Variants in DNM2 observed in about 807,000 individuals in gnomAD.
The protein encoded by DNM2 is dynamin 2.
In DNM2, 15 loss-of-function variants were observed where a neutral mutation model predicts 99.0. That is an observed-to-expected ratio of 0.15 (90% CI 0.10 to 0.23). DNM2 has a LOEUF of 0.23. DNM2 is among the 10% of genes least tolerant of loss of function. DNM2 has a pLI of 1.00. For synonymous variants in DNM2, 525 were observed against 481.2 expected (o/e 1.09, Z -1.19); for missense variants, 742 against 1,189.4 (o/e 0.62, Z 5.53).
rs1052773762 is a variant in DNM2, at chr19:10,818,244, G to A, written c.1672-1736G>A. Among the ~76,000 whole-genome samples, 4 of 151,296 alleles carry A rather than the reference G, an allele frequency of 2.6e-5. No homozygotes were observed. The highest frequency in any genetic ancestry group is 2.1e-4 in the South Asian group (1 of 4,764). On this transcript the variant is annotated intron_variant, in intron 15 of 20. Transcript: ENST00000389253. The surrounding 1 kb of genome is among the most constrained non-coding windows in gnomAD (Gnocchi z 4.3). ...ATGCTCTGCTCCCTCCATGGCCACC[G>A]GGCCCCTCTCCTATGCTCTGCTCCC...
intron 1 of DNM2, among the ~76,000 whole-genome samples, chr19:10,759,109 T>TTTTAGTTTAG (rs371435868): frequency 2.0e-5 from 3 of 152,160 alleles, no homozygotes; most frequent in Admixed American, 1.3e-4. Context: ...GCCCAGCTAA[T>TTTTAGTTTAG]TTTAGTTTAG....
rs534081676 is a variant in DNM2, at chr19:10,816,338, T to C, written c.1672-3642T>C. On this transcript the variant is annotated intron_variant, in intron 15 of 20. Coordinates refer to ENST00000389253, the MANE Select transcript of DNM2 (RefSeq NM_001005361.3). The surrounding 1 kb of genome is among the most constrained non-coding windows in gnomAD (Gnocchi z 4.6). ...GAAACCTCAGGAGCCCTGAGGCTTC[T>C]GCGGGACTCTGGGGCGCTGTTTCTA... 2.6e-4 allele frequency among the ~76,000 whole-genome samples: 39 copies of C among 152,224 alleles called. No homozygotes were observed. The highest frequency in any genetic ancestry group is 8.9e-4 in the African/African-American group (37 of 41,550).
chr19:10,741,489 A>G (rs2069745331), intron 1 of DNM2, among the ~76,000 whole-genome samples: 1 of 151,856 alleles, frequency 6.6e-6, no homozygotes. Context: ...TTGGCCTCCC[A>G]AAGTGCTGAG....
rs1045397547 is a variant in DNM2 at position 10,817,995 on chromosome 19, A to C, written c.1672-1985A>C. On this transcript the variant is annotated intron_variant, in intron 15 of 20. Transcript: ENST00000389253. This position sits in a 1 kb window ranked among gnomAD's most constrained non-coding sequence, Gnocchi z 4.6. ...GTGATATGATAGGGTCAGGGCAGCA[A>C]AGGCCCTTGGGCAAACGTCCGAGCC... is the stretch of plus-strand genomic sequence containing the variant. Among the ~76,000 whole-genome samples, 8 of 152,012 alleles carry C rather than the reference A, an allele frequency of 5.3e-5. No homozygotes were observed. Among genetic ancestry groups the C allele is most frequent in the African/African-American group, 1.9e-4 (8 of 41,402 alleles).
chr19:10,816,138 G>A lies in DNM2; in HGVS notation c.1671+3761G>A, dbSNP rs1416136964. Among the ~76,000 whole-genome samples, 1 of 151,940 alleles carries A rather than the reference G, an allele frequency of 6.6e-6. No homozygotes were observed. The highest frequency in any genetic ancestry group is 1.5e-5 in the Non-Finnish European group (1 of 67,936). On this transcript the variant is annotated intron_variant, in intron 15 of 20. Transcript: ENST00000389253. This position sits in a 1 kb window ranked among gnomAD's most constrained non-coding sequence, Gnocchi z 4.6. ...GGGGGAGGGTCCCCCTGGGGTGGAG[G>A]CTTCCCCAGTGCACGTCTGCGGGCC...
chr19:10,789,073 C>CT (rs1156933820), intron 7 of DNM2, among the ~76,000 whole-genome samples: 1 of 152,210 alleles, frequency 6.6e-6, no homozygotes, highest in Non-Finnish European at 1.5e-5. Flanking sequence ...TGGTGCACCC[C>CT]TGTAATTCTA....
Position 10,831,110 on chromosome 19 carries a change from T to C in DNM2, c.*63T>C. 2 of 1,527,346 alleles carry C rather than the reference T, an allele frequency of 1.3e-6. No homozygotes were observed. Among genetic ancestry groups the C allele is most frequent in the East Asian group, 2.5e-5 (1 of 40,408 alleles). The allele number at this position is 1,527,346 out of a possible 1,614,324, so 94.6% of individuals were successfully genotyped here. ...ACCCGCGGCGCAGGAGCTTCAGTGG[T>C]CTGGGGCCCTCCGCCGCCCCTATGC... is the stretch of plus-strand genomic sequence containing the variant. On this transcript the variant is annotated 3_prime_UTR_variant, in exon 21 of 21. Transcript: ENST00000389253. This position sits in a 1 kb window ranked among gnomAD's most constrained non-coding sequence, Gnocchi z 4.3.
chr19:10,799,539 T>G (rs1034048427), intron 11 of DNM2, among the ~76,000 whole-genome samples: 22 of 149,654 alleles, frequency 1.5e-4, no homozygotes, highest in African/African-American at 3.2e-4. Flanking sequence ...TTTTTGTTTT[T>G]TTTTTTTTTT....
At position 10,784,819 on chromosome 19, in the gene DNM2, A is replaced by ATTTTTTTTTTTTTTTTTTTTTTT. The variant is rs35575438; in HGVS notation, c.849+1721_849+1722insTTTTTTTTTTTTTTTTTTTTTTT. On this transcript the variant is annotated intron_variant, in intron 6 of 20. Transcript: ENST00000389253. The stretch of plus-strand genomic sequence containing the variant: ...GTATTTATTTTTTATTTTTTTGATG[A>ATTTTTTTTTTTTTTTTTTTTTTT]TTTTTTTTTTTTTTTTTTTTTTGAG... Among the ~76,000 whole-genome samples the ATTTTTTTTTTTTTTTTTTTTTTT allele has an allele frequency of 4.0e-5, 4 of 99,464 alleles. 1 individual carries two copies. Among genetic ancestry groups the ATTTTTTTTTTTTTTTTTTTTTTT allele is most frequent in the Non-Finnish European group, 7.4e-5 (4 of 53,746 alleles). The allele number at this position is 99,464 out of a possible 152,430, so 65.3% of individuals were successfully genotyped here.
intron 1 of DNM2, among the ~76,000 whole-genome samples, chr19:10,758,371 C>CTCCT (rs1360839761): frequency 6.6e-4 from 60 of 90,548 alleles, no homozygotes; most frequent in African/African-American, 7.8e-4. Flanking sequence ...CCTTCCCTCC[C>CTCCT]TCCTTCCCTC....
chr19:10,797,531 G>T lies in DNM2; in HGVS notation c.1335+13G>T. 6.2e-7 allele frequency: 1 copy of T among 1,613,956 alleles called. No homozygotes were observed. The highest frequency in any genetic ancestry group is 1.3e-5 in the African/African-American group (1 of 74,976). On this transcript the variant is annotated intron_variant, in intron 10 of 20. Transcript: ENST00000389253. ...GTGTGCCGAGAAGGTAACAGGTTTTGTTCTCATCTCCGCATTTGTCCCCGT... is the reference window on the plus strand; with the variant it reads ...GTGTGCCGAGAAGGTAACAGGTTTTTTTCTCATCTCCGCATTTGTCCCCGT...
At chr19:10,779,121 A>C (rs1285704950) in intron 5 of DNM2, among the ~76,000 whole-genome samples, 1 of 151,764 alleles carries the variant, frequency 6.6e-6, no homozygotes, top group Non-Finnish European at 1.5e-5. Context: ...AGGCTGAGGC[A>C]GGAGAATCGC....
intron 1 of DNM2, among the ~76,000 whole-genome samples, chr19:10,746,735 T>TTG (rs2069996771): frequency 1.8e-5 from 2 of 108,910 alleles, no homozygotes; most frequent in Admixed American, 9.6e-5. Flanking sequence ...TTGTTTTTTG[T>TTG]TTTTTTTTTT....
chr19:10,808,450 C>G (rs1299850271), intron 13 of DNM2, 119 bp from the exon 14 acceptor site: 98 of 1,112,146 alleles, frequency 8.8e-5, no homozygotes, highest in Non-Finnish European at 1.2e-4. Context: ...CTGCTCTTCT[C>G]TTCTCCTGTT....
At position 10,718,647 on chromosome 19, in the gene DNM2, G is replaced by A. The variant is rs184821889; in HGVS notation, c.161+244G>A. ...GGGCCAGGGCGCCGTAGGACAGGAG[G>A]TGCGCTGGAACCCTGCGGTCCATCT... On this transcript the variant is annotated intron_variant, in intron 1 of 20. Transcript: ENST00000389253. The A allele has an allele frequency of 1.1e-3, 438 of 415,096 alleles. 2 individuals carry two copies. The highest frequency in any genetic ancestry group is 8.6e-3 in the African/African-American group (409 of 47,786). The allele number at this position is 415,096 out of a possible 1,614,324, so 25.7% of individuals were successfully genotyped here.
rs2073284957 is a variant in DNM2 at position 10,830,106 on chromosome 19, A to C, written c.2292-21A>C. The C allele has an allele frequency of 3.7e-6, 6 of 1,613,506 alleles. No homozygotes were observed. Among genetic ancestry groups the C allele is most frequent in the Non-Finnish European group, 5.1e-6 (6 of 1,179,720 alleles). The stretch of plus-strand genomic sequence containing the variant: ...CCTACTCCATCTGTATCTGTAGCTC[A>C]CACCCTCTCCTTCCTCACAGCCCCA... On this transcript the variant is annotated intron_variant, in intron 19 of 20. Transcript: ENST00000389253. The surrounding 1 kb of genome is among the most constrained non-coding windows in gnomAD (Gnocchi z 4.8).
At chr19:10,728,923 G>C (rs2069198297) in intron 1 of DNM2, among the ~76,000 whole-genome samples, 1 of 151,318 alleles carries the variant, frequency 6.6e-6, no homozygotes, top group Non-Finnish European at 1.5e-5. Flanking sequence ...CTCCAGCCTG[G>C]GTGACAGCAA....
intron 4 of DNM2, 27 bp from the exon 5 acceptor site, chr19:10,777,091 T>C: frequency 1.9e-6 from 3 of 1,613,170 alleles, no homozygotes; most frequent in Non-Finnish European, 2.5e-6. Flanking sequence ...TGGCAGCCTC[T>C]GACCTCTGAC....
chr19:10,799,055 G>A (rs1403673386), intron 11 of DNM2, among the ~76,000 whole-genome samples: 1 of 152,118 alleles, frequency 6.6e-6, no homozygotes, highest in Non-Finnish European at 1.5e-5. Flanking sequence ...GCAAGACCTT[G>A]TCTCTACGAA....
Sources: gnomAD v4.1 joint callset for allele counts (sites outside exome capture counted in the v4.1 genomes callset) on GRCh38, gnomAD v4.1.1 for gene constraint, Gnocchi (gnomAD v3.1) non-coding constraint, MANE v1.5 for transcripts, NCBI Gene and HGNC (gene_info 2026-07-23, HGNC 2026-07-21) for gene names.